LRRC3B: variants seen among roughly 807,000 people sequenced by gnomAD.
The protein encoded by LRRC3B is leucine-rich repeat-containing protein 3B.
A neutral mutation model predicts 12.8 loss-of-function variants in LRRC3B; 2 were observed. The ratio of observed to expected loss-of-function variants is 0.16; its 90% CI spans 0.06 to 0.49. The LOEUF (loss-of-function observed/expected upper bound fraction) is 0.49. Ranked by LOEUF, LRRC3B falls within the 20% of genes least tolerant of loss-of-function variation. The pLI is 0.96. For missense variants in LRRC3B, 189 were observed against 319.4 expected (o/e 0.59, Z 3.11); for synonymous variants, 132 against 122.0 (o/e 1.08, Z -0.54).
At chr3:26,647,215 C>T (rs1046087709) in intron 1 of LRRC3B, among the ~76,000 whole-genome samples, 1 of 152,148 alleles carries the variant, frequency 6.6e-6, no homozygotes, top group Non-Finnish European at 1.5e-5. Flanking sequence ...CCTTTCCTCC[C>T]TCTGTCACCC....
At chr3:26,646,623 A>AAAAAAAC in intron 1 of LRRC3B, among the ~76,000 whole-genome samples, 1 of 104,604 alleles carries the variant, frequency 9.6e-6, no homozygotes, top group East Asian at 2.3e-4. Context: ...AAAAAAAAAA[A>AAAAAAAC]AAAAAAAAAA....
At chr3:26,691,379 A>T (rs184953359) in intron 1 of LRRC3B, among the ~76,000 whole-genome samples, 10 of 152,074 alleles carry the variant, frequency 6.6e-5, no homozygotes, top group Non-Finnish European at 1.2e-4. Context: ...AAGAAAAATG[A>T]TGAGATTCAC....
chr3:26,672,882 T>C (rs989667461), intron 1 of LRRC3B, among the ~76,000 whole-genome samples: 2 of 152,206 alleles, frequency 1.3e-5, no homozygotes, highest in Admixed American at 1.3e-4. Context: ...TGAGCAATAA[T>C]ATTTTTAACA....
intron 1 of LRRC3B, among the ~76,000 whole-genome samples, chr3:26,634,001 TAAAAC>T (rs550791994): frequency 4.7e-4 from 71 of 152,150 alleles, no homozygotes; most frequent in Non-Finnish European, 7.6e-4. Context: ...AAAAACAAAA[TAAAAC>T]AAAACAAAAT....
intron 1 of LRRC3B, among the ~76,000 whole-genome samples, chr3:26,671,227 G>A (rs1160426024): frequency 6.9e-6 from 1 of 144,598 alleles, no homozygotes; most frequent in South Asian, 2.2e-4. Context: ...GTTTTAGCCG[G>A]GATGGTCTCG....
At chr3:26,630,465 G>A (rs1698732681) in intron 1 of LRRC3B, among the ~76,000 whole-genome samples, 1 of 103,814 alleles carries the variant, frequency 9.6e-6, no homozygotes, top group Non-Finnish European at 2.0e-5. Flanking sequence ...ACTAATATAT[G>A]TGCCTCTTAC....
chr3:26,653,386 C>A (rs1173750668), intron 1 of LRRC3B, among the ~76,000 whole-genome samples: 2 of 152,022 alleles, frequency 1.3e-5, no homozygotes, highest in Non-Finnish European at 1.5e-5. Context: ...CTTCAAAAAG[C>A]TGATTTGAAA....
intron 1 of LRRC3B, among the ~76,000 whole-genome samples, chr3:26,646,930 C>T (rs74567843): frequency 0.017 from 2,287 of 131,666 alleles, 54 homozygotes; most frequent in African/African-American, 0.066. Flanking sequence ...AAGTACTCAG[C>T]AAATATGAGC....
chr3:26,700,258 G>A (rs577533416), intron 1 of LRRC3B, among the ~76,000 whole-genome samples: 2 of 152,254 alleles, frequency 1.3e-5, no homozygotes, highest in South Asian at 2.1e-4. Context: ...CTCCCTCTTT[G>A]ATTTTCCCAA....
intron 1 of LRRC3B, among the ~76,000 whole-genome samples, chr3:26,671,344 A>ATG (rs200981060): frequency 3.6e-4 from 27 of 74,622 alleles, no homozygotes; most frequent in African/African-American, 1.5e-3. Flanking sequence ...GTGTGTATAT[A>ATG]TGTGTGTATA....
chr3:26,710,498 T>A (rs1343861270), exon 2 of LRRC3B: 40 of 1,502,932 alleles, frequency 2.7e-5, no homozygotes, highest in Non-Finnish European at 3.5e-5. Flanking sequence ...TAGTTTGCGA[T>A]TGCAGTAGAA....
At chr3:26,673,378 G>GAGAT (rs1341839191) in intron 1 of LRRC3B, among the ~76,000 whole-genome samples, 1 of 152,158 alleles carries the variant, frequency 6.6e-6, no homozygotes, top group Non-Finnish European at 1.5e-5. Flanking sequence ...AGGGTATTGG[G>GAGAT]AGATAGGTAG....
chr3:26,683,900 C>T (rs533242825), intron 1 of LRRC3B, among the ~76,000 whole-genome samples: 6 of 152,254 alleles, frequency 3.9e-5, no homozygotes, highest in Non-Finnish European at 5.9e-5. Context: ...CAAATCTTGG[C>T]GCCAGCTCTT....
chr3:26,700,789 TTC>T (rs1193719350), intron 1 of LRRC3B, among the ~76,000 whole-genome samples: 1 of 152,182 alleles, frequency 6.6e-6, no homozygotes, highest in Non-Finnish European at 1.5e-5. Context: ...ACCAAAGGAC[TTC>T]AGTTAAGTTC....
chr3:26,706,262 G>A (rs1182430929), intron 1 of LRRC3B, among the ~76,000 whole-genome samples: 1 of 152,018 alleles, frequency 6.6e-6, no homozygotes, highest in African/African-American at 2.4e-5. Flanking sequence ...TCACACTGGG[G>A]ATTAGATTTA....
At chr3:26,710,252 C>G in exon 2 of LRRC3B, 1 of 1,613,806 alleles carries the variant, frequency 6.2e-7, no homozygotes, top group Non-Finnish European at 8.5e-7. Flanking sequence ...CGACGCTGAC[C>G]TTTGTAACCT....
intron 1 of LRRC3B, among the ~76,000 whole-genome samples, chr3:26,633,707 A>C (rs1698807871): frequency 6.6e-6 from 1 of 152,286 alleles, no homozygotes; most frequent in Non-Finnish European, 1.5e-5. Context: ...GAAAGCACAG[A>C]CACAGGAAAA....
At chr3:26,624,535 A>C (rs937302093) in intron 1 of LRRC3B, 2 of 152,898 alleles carry the variant, frequency 1.3e-5, no homozygotes, top group Admixed American at 6.5e-5. Context: ...AGGAGAGCGC[A>C]GGAGCGGAGG....
chr3:26,624,861 C>T (rs931746867), intron 1 of LRRC3B: 10 of 152,240 alleles, frequency 6.6e-5, no homozygotes, highest in African/African-American at 2.2e-4. Flanking sequence ...GAGTGCAAGA[C>T]CGTTTGCGGG....
Sources: allele counts gnomAD v4.1 joint callset (sites outside exome capture counted in the v4.1 genomes callset), GRCh38; gene constraint gnomAD v4.1.1; transcripts MANE v1.5; gene names NCBI Gene and HGNC (gene_info 2026-07-23, HGNC 2026-07-21).